CSMD1: variants seen among roughly 807,000 people sequenced by gnomAD.
The protein encoded by CSMD1 is CUB and sushi domain-containing protein 1.
In CSMD1, 213 loss-of-function variants were observed where a neutral mutation model predicts 417.5. The observed-to-expected ratio is 0.51, with a 90% CI of 0.46 to 0.57. The LOEUF is 0.57. Ranked by LOEUF, CSMD1 falls within the 20% of genes least tolerant of loss-of-function variation. The pLI, the probability that CSMD1 is intolerant of heterozygous loss-of-function variation, is 0.00. For missense variants in CSMD1, 6,923 were observed against 4,529.7 expected (o/e 1.53, Z -15.17); for synonymous variants, 2,862 against 1,736.8 (o/e 1.65, Z -16.11).
At chr8:4,446,733 C>G (rs1012236036) in intron 2 of CSMD1, among the ~76,000 whole-genome samples, 80 of 134,106 alleles carry the variant, frequency 6.0e-4, no homozygotes, top group Non-Finnish European at 1.0e-3. Flanking sequence ...GTGTGTGTGT[C>G]TGTGTGTGTG....
At chr8:3,077,144 G>A (rs1186922095) in intron 49 of CSMD1, among the ~76,000 whole-genome samples, 1 of 152,168 alleles carries the variant, frequency 6.6e-6, no homozygotes, top group Non-Finnish European at 1.5e-5. Context: ...ACTTCCTGGA[G>A]CCTGCCAAAT....
At chr8:3,359,114 C>A in intron 21 of CSMD1, 38 bp downstream of exon 21, 2 of 1,603,982 alleles carry the variant, frequency 1.2e-6, no homozygotes, top group South Asian at 1.1e-5. Context: ...AGACCCTGCC[C>A]CCATGGATGA....
chr8:3,632,668 C>T (rs1270216759), intron 7 of CSMD1, among the ~76,000 whole-genome samples: 6 of 152,130 alleles, frequency 3.9e-5, no homozygotes, highest in Non-Finnish European at 8.8e-5. Flanking sequence ...TAACTGTCAC[C>T]CTAATGATTC....
chr8:4,052,796 T>A (rs1230368592), intron 3 of CSMD1, among the ~76,000 whole-genome samples: 1 of 152,116 alleles, frequency 6.6e-6, no homozygotes, highest in Non-Finnish European at 1.5e-5. Context: ...GGAACCCACT[T>A]CCAGATACTC....
chr8:3,913,644 T>C (rs148105323), intron 5 of CSMD1, among the ~76,000 whole-genome samples: 2 of 152,268 alleles, frequency 1.3e-5, no homozygotes, highest in Admixed American at 6.5e-5. Flanking sequence ...TCATCCAGCA[T>C]TGAGACATTT....
intron 65 of CSMD1, 121 bp from the exon 66 acceptor site, chr8:2,951,396 A>G: frequency 1.0e-6 from 1 of 987,780 alleles, no homozygotes; most frequent in South Asian, 1.8e-5. Context: ...GCAGTGATGA[A>G]GACAAGAGGA....
intron 10 of CSMD1, among the ~76,000 whole-genome samples, chr8:3,536,922 C>G (rs1798225188): frequency 6.6e-6 from 1 of 152,300 alleles, no homozygotes; most frequent in South Asian, 2.1e-4. Flanking sequence ...TACGATTGCC[C>G]TAGTCGTCAG....
chr8:4,830,597 T>C (rs1182419202), intron 1 of CSMD1, among the ~76,000 whole-genome samples: 1 of 152,214 alleles, frequency 6.6e-6, no homozygotes, highest in Non-Finnish European at 1.5e-5. Context: ...GACAAACACA[T>C]AGATACATAG....
At chr8:3,904,765 T>G (rs1421915357) in intron 5 of CSMD1, among the ~76,000 whole-genome samples, 1 of 151,762 alleles carries the variant, frequency 6.6e-6, no homozygotes, top group African/African-American at 2.4e-5. Flanking sequence ...GCCTCCCAAG[T>G]AGCTGAGATT....
At chr8:4,951,294 G>A (rs1424222006) in intron 1 of CSMD1, among the ~76,000 whole-genome samples, 2 of 152,060 alleles carry the variant, frequency 1.3e-5, no homozygotes, top group Admixed American at 1.3e-4. Flanking sequence ...AATTGTTCAC[G>A]CTCAGTCTTT....
chr8:3,828,713 G>C (rs183089031), intron 5 of CSMD1, among the ~76,000 whole-genome samples: 27 of 152,122 alleles, frequency 1.8e-4, no homozygotes, highest in Admixed American at 1.8e-3. Flanking sequence ...CCCTAGTTTG[G>C]AGCCTTTCTG....
chr8:3,217,720 T>A lies in CSMD1; in HGVS notation c.4672+1535A>T, dbSNP rs111699178. Among the ~76,000 whole-genome samples the A allele has an allele frequency of 3.7e-3, 561 of 152,310 alleles. 3 individuals carry two copies. The highest frequency in any genetic ancestry group is 0.012 in the African/African-American group (506 of 41,566). On this transcript the variant is annotated intron_variant, in intron 29 of 69. Transcript: ENST00000635120. ...TCTGATTGCTAAATTGTATAATTTT[T>A]AAAATTGTACATTTTAGTAAATACC...
intron 3 of CSMD1, among the ~76,000 whole-genome samples, chr8:4,236,035 G>GTTTTTTT (rs869046913): frequency 1.1e-4 from 12 of 112,608 alleles, no homozygotes; most frequent in South Asian, 6.6e-4. Flanking sequence ...TGTTTTTTTT[G>GTTTTTTT]TTTGTTTTTT....
chr8:4,922,762 A>G (rs7007744), intron 1 of CSMD1, among the ~76,000 whole-genome samples: 149,485 of 152,234 alleles, frequency 0.98, 73,415 homozygotes, highest in East Asian at 1. Flanking sequence ...AGGTGTAAAG[A>G]AGGCTACTGA....
chr8:3,207,134 T>C (rs1362466771), intron 30 of CSMD1, among the ~76,000 whole-genome samples: 2 of 137,766 alleles, frequency 1.5e-5, no homozygotes. Context: ...GCCATTTTCT[T>C]TTTTTTTTTT....
intron 3 of CSMD1, among the ~76,000 whole-genome samples, chr8:4,130,436 G>A (rs574462525): frequency 6.6e-6 from 1 of 152,042 alleles, no homozygotes; most frequent in African/African-American, 2.4e-5. Flanking sequence ...CCTCAGTTTA[G>A]TGCAAAAATT....
At chr8:4,573,084 G>C (rs1043178057) in intron 2 of CSMD1, among the ~76,000 whole-genome samples, 2 of 152,148 alleles carry the variant, frequency 1.3e-5, no homozygotes, top group African/African-American at 4.8e-5. Flanking sequence ...GCTCAGAGGA[G>C]TTTGTTATTA....
At chr8:4,044,734 C>CCTGGTCATATACCACCCTGGGCATGTACA (rs1798060648) in intron 3 of CSMD1, among the ~76,000 whole-genome samples, 1 of 150,884 alleles carries the variant, frequency 6.6e-6, no homozygotes, top group Non-Finnish European at 1.5e-5. Flanking sequence ...GGACACGTAC[C>CCTGGTCATATACCACCCTGGGCATGTACA]ACCCTGGGCA....
chr8:3,777,150 ACACACACAC>A (rs1798935872), intron 5 of CSMD1, among the ~76,000 whole-genome samples: 2 of 150,924 alleles, frequency 1.3e-5, no homozygotes, highest in African/African-American at 4.9e-5. Flanking sequence ...ACACACACAC[ACACACACAC>A]ATCATATATA....
Sources: allele counts gnomAD v4.1 joint callset (sites outside exome capture counted in the v4.1 genomes callset), GRCh38; gene constraint gnomAD v4.1.1; transcripts MANE v1.5; gene names NCBI Gene and HGNC (gene_info 2026-07-23, HGNC 2026-07-21).